CHAT: variants seen among roughly 807,000 people sequenced by gnomAD.
CHAT encodes acetyl CoA:choline O-acetyltransferase.
A neutral mutation model predicts 76.9 loss-of-function variants in CHAT; 61 were observed. That is an observed-to-expected ratio of 0.79 (90% CI 0.65 to 0.98). The LOEUF (loss-of-function observed/expected upper bound fraction) is 0.98, where lower values mean the gene tolerates loss of function less well. CHAT is among the 50% of genes least tolerant of loss of function. The pLI is 0.00. For synonymous variants in CHAT, 407 were observed against 397.4 expected (o/e 1.02, Z -0.29); for missense variants, 946 against 986.9 (o/e 0.96, Z 0.56).
intron 2 of CHAT, 110 bp from the exon 3 acceptor site, chr10:49,619,614 AG>A: frequency 9.4e-7 from 1 of 1,069,124 alleles, no homozygotes; most frequent in Non-Finnish European, 1.4e-6. Flanking sequence ...GAGGGGTCCC[AG>A]GGTAGAGAAC....
Position 49,648,709 on chromosome 10 carries a change from G to GA in CHAT, c.1382+109dup, listed in dbSNP as rs150122136. 6.0e-3 allele frequency: 4,227 copies of GA among 707,448 alleles called. 144 individuals are homozygous for GA. The African/African-American group carries it at 0.076, about 13-fold the overall frequency. The allele number at this position is 707,448 out of a possible 1,614,324, so 43.8% of individuals were successfully genotyped here. A position where few individuals can be genotyped will look rare whatever the true frequency, so the allele number is the denominator to read the frequency against. On this transcript the variant is annotated intron_variant, in intron 9 of 14. Transcript: ENST00000337653. ...AAGCGTCTTAACAAAAGATGAATTT[G>GA]AAAAAAATGTGTACTATACACACAC...
chr10:49,627,513 G>C, intron 6 of CHAT, 95 bp from the exon 7 acceptor site: 3 of 1,292,410 alleles, frequency 2.3e-6, no homozygotes, highest in Non-Finnish European at 3.4e-6. Flanking sequence ...TTGGGCCTGA[G>C]CATCCCTGCC....
chr10:49,659,197 G>A (rs1590624890), intron 13 of CHAT, among the ~76,000 whole-genome samples: 1 of 152,294 alleles, frequency 6.6e-6, no homozygotes, highest in East Asian at 1.9e-4. Flanking sequence ...TTCAAATTCT[G>A]AGAGAAAGTG....
chr10:49,648,910 T>C (rs1319114355), intron 9 of CHAT, among the ~76,000 whole-genome samples: 2 of 152,072 alleles, frequency 1.3e-5, no homozygotes, highest in East Asian at 1.9e-4. Flanking sequence ...TCGATACCTA[T>C]TGCTTATCCT....
upstream of CHAT, chr10:49,612,510 TTC>T (rs1388905620): frequency 8.6e-5 from 57 of 659,058 alleles, no homozygotes; most frequent in East Asian, 8.5e-4. Flanking sequence ...CCATATCCCT[TTC>T]TCTCTTGTCC....
chr10:49,614,436 G>T lies in CHAT; in HGVS notation c.247G>T (p.Gly83Cys). ...HTPAHTPEWC[G>C]AASAEAAEPR... is the part of the protein sequence containing the mutation. The stretch of plus-strand genomic sequence containing the variant: ...CCCCGCCCACACTCCTGAGTGGTGC[G>T]GTGCAGCGTCGGCCGAGGCAGCAGA... The change falls in exon 1 of 15, where the codon GGT (glycine) becomes TGT (cysteine). Residue 83 changes from glycine (G) to cysteine (C), a missense_variant. Transcript: ENST00000337653. 1.9e-6 allele frequency: 3 copies of T among 1,547,858 alleles called. No individual in the cohort carries two copies. The highest frequency in any genetic ancestry group is 2.6e-6 in the Non-Finnish European group (3 of 1,146,890).
intron 13 of CHAT, among the ~76,000 whole-genome samples, chr10:49,656,810 C>T (rs565633601): frequency 2.9e-4 from 44 of 152,042 alleles, no homozygotes; most frequent in Admixed American, 1.6e-3. Flanking sequence ...TGGTTAAGAA[C>T]CTTTCTAATA....
chr10:49,657,854 C>T (rs1840080125), intron 13 of CHAT, among the ~76,000 whole-genome samples: 1 of 152,130 alleles, frequency 6.6e-6, no homozygotes, highest in Non-Finnish European at 1.5e-5. Flanking sequence ...TAGTGGTTTG[C>T]CAAGAGGCAG....
chr10:49,610,136 G>C (rs992794714), upstream of CHAT, among the ~76,000 whole-genome samples: 2 of 151,758 alleles, frequency 1.3e-5, no homozygotes, highest in East Asian at 2.0e-4. Flanking sequence ...TCCAGCCCTG[G>C]AGCATCTGGA....
chr10:49,645,707 A>T (rs192496355), intron 7 of CHAT, among the ~76,000 whole-genome samples: 1 of 152,244 alleles, frequency 6.6e-6, no homozygotes, highest in Admixed American at 6.5e-5. Flanking sequence ...CCCGCTCCTG[A>T]AGAGCCGTCC....
At chr10:49,643,360 C>T (rs1839550757) in intron 7 of CHAT, among the ~76,000 whole-genome samples, 1 of 152,206 alleles carries the variant, frequency 6.6e-6, no homozygotes, top group Non-Finnish European at 1.5e-5. Flanking sequence ...CCATCCAAAC[C>T]ACTGTCCCAC....
chr10:49,616,067 C>G (rs1210470374), intron 1 of CHAT: 1 of 1,613,748 alleles, frequency 6.2e-7, no homozygotes, highest in Non-Finnish European at 8.5e-7. Context: ...GGCCGGAATG[C>G]AGAGATGAAG....
At chr10:49,611,354 C>A, upstream of CHAT, 1 of 1,600,662 alleles carries the variant, frequency 6.2e-7, no homozygotes, top group South Asian at 1.1e-5. Flanking sequence ...GATAAGTACC[C>A]GGAGGAGCCG....
At chr10:49,615,273 G>C (rs999670075) in intron 1 of CHAT, among the ~76,000 whole-genome samples, 5 of 152,184 alleles carry the variant, frequency 3.3e-5, no homozygotes, top group Admixed American at 2.0e-4. Context: ...GCCATGCTCC[G>C]GTGAATCCTC....
chr10:49,629,741 C>T (rs1839050102), intron 7 of CHAT, among the ~76,000 whole-genome samples: 1 of 152,232 alleles, frequency 6.6e-6, no homozygotes, highest in African/African-American at 2.4e-5. Context: ...ATGCGCCTCC[C>T]CTTGGGTAAT....
At chr10:49,643,311 C>T (rs1403813488) in intron 7 of CHAT, among the ~76,000 whole-genome samples, 1 of 152,232 alleles carries the variant, frequency 6.6e-6, no homozygotes, top group African/African-American at 2.4e-5. Flanking sequence ...GCCGATCACT[C>T]ACAAGCTCTG....
At position 49,655,087 on chromosome 10, in the gene CHAT, C is replaced by T; in HGVS notation, c.1635-8C>T. 6.2e-7 allele frequency: 1 copy of T among 1,614,062 alleles called. No homozygotes were observed. Among genetic ancestry groups the T allele is most frequent in the South Asian group, 1.1e-5 (1 of 91,066 alleles). On this transcript the variant is annotated splice_region_variant and splice_polypyrimidine_tract_variant and intron_variant, in intron 11 of 14. Coordinates refer to ENST00000337653, the MANE Select transcript of CHAT (RefSeq NM_020549.5). ...TACCATGTGCCATTCATCCTTCATC[C>T]CACGCAGGCTCCATCGAAGACTGGT...
chr10:49,626,829 A>G (rs1463008757), intron 6 of CHAT, among the ~76,000 whole-genome samples: 1 of 152,272 alleles, frequency 6.6e-6, no homozygotes, highest in African/African-American at 2.4e-5. Context: ...CCAAGGCTCT[A>G]GCCTTCAAAG....
At chr10:49,648,427 A>AGGGGCCTAACCT (rs1839751319) in intron 8 of CHAT, 80 bp from the exon 9 acceptor site, 1 of 1,033,064 alleles carries the variant, frequency 9.7e-7, no homozygotes, top group Non-Finnish European at 1.5e-6. Flanking sequence ...CTGAGAAGCC[A>AGGGGCCTAACCT]GGGGCCTAAC....
Sources: gnomAD v4.1 joint callset for allele counts (sites outside exome capture counted in the v4.1 genomes callset) on GRCh38, gnomAD v4.1.1 for gene constraint, MANE v1.5 for transcripts, NCBI Gene and HGNC (gene_info 2026-07-23, HGNC 2026-07-21) for gene names.